Variants in HHLA2 observed in about 807,000 individuals in gnomAD.
The protein encoded by HHLA2 is HHLA2 member of B7 family.
Under a neutral mutation model 45.9 loss-of-function variants are expected in HHLA2, and 48 were observed. That is an observed-to-expected ratio of 1.05 (90% CI 0.83 to 1.33). The LOEUF (loss-of-function observed/expected upper bound fraction) is 1.33. HHLA2 is among the 40% of genes most tolerant of loss of function. HHLA2 has a pLI of 0.00. For missense variants in HHLA2, 462 were observed against 494.3 expected (o/e 0.93, Z 0.62); for synonymous variants, 161 against 173.9 (o/e 0.93, Z 0.59).
At chr3:108,353,635 G>A in exon 5 of HHLA2, 6 of 1,613,722 alleles carry the variant, frequency 3.7e-6, no homozygotes, top group Non-Finnish European at 5.1e-6. Flanking sequence ...ATGCAAACAG[G>A]ACATCCCTTT....
chr3:108,363,657 C>T (rs897188619), intron 8 of HHLA2, among the ~76,000 whole-genome samples: 4 of 152,074 alleles, frequency 2.6e-5, no homozygotes, highest in Admixed American at 2.0e-4. Context: ...AGCCTGTCCA[C>T]GAAGATCAAC....
chr3:108,356,708 G>A (rs1040979990), intron 6 of HHLA2, among the ~76,000 whole-genome samples: 2 of 152,140 alleles, frequency 1.3e-5, no homozygotes, highest in Admixed American at 1.3e-4. Flanking sequence ...GCTATTACGT[G>A]CCAAGTTTTG....
intron 2 of HHLA2, among the ~76,000 whole-genome samples, chr3:108,316,405 T>C (rs978327993): frequency 6.6e-6 from 1 of 152,218 alleles, no homozygotes; most frequent in Non-Finnish European, 1.5e-5. Context: ...TAACTAATTA[T>C]GCTTAGCTTT....
intron 2 of HHLA2, among the ~76,000 whole-genome samples, chr3:108,316,013 T>TTTTA: frequency 6.6e-6 from 1 of 152,052 alleles, no homozygotes; most frequent in South Asian, 2.1e-4. Context: ...ATTATAAGGC[T>TTTTA]TTTATTTATT....
At chr3:108,362,522 A>AGT in intron 8 of HHLA2, 76 bp downstream of exon 7, 5 of 936,636 alleles carry the variant, frequency 5.3e-6, no homozygotes, top group Non-Finnish European at 8.3e-6. Context: ...ATACATGCCC[A>AGT]AACAGCTACT....
At chr3:108,353,613 A>G in exon 5 of HHLA2, 1 of 1,613,802 alleles carries the variant, frequency 6.2e-7, no homozygotes, top group Non-Finnish European at 8.5e-7. Flanking sequence ...TTGGAAAGCC[A>G]AGATCCCAGA....
At chr3:108,331,129 T>A (rs1202022766) in intron 3 of HHLA2, among the ~76,000 whole-genome samples, 26 of 152,170 alleles carry the variant, frequency 1.7e-4, no homozygotes. Flanking sequence ...GTGCTCTCCA[T>A]TGCCGTCTAG....
intron 8 of HHLA2, among the ~76,000 whole-genome samples, chr3:108,373,369 TATC>T (rs1272221238): frequency 2.6e-5 from 4 of 152,136 alleles, no homozygotes; most frequent in African/African-American, 9.7e-5. Flanking sequence ...CCACAGCCAA[TATC>T]ATACTGAACG....
At chr3:108,316,782 A>T (rs2081110439) in intron 2 of HHLA2, among the ~76,000 whole-genome samples, 1 of 151,392 alleles carries the variant, frequency 6.6e-6, no homozygotes, top group Non-Finnish European at 1.5e-5. Context: ...TTTAGGCCCT[A>T]TTTTTTTTTC....
chr3:108,315,830 C>T (rs2081094277), intron 2 of HHLA2, among the ~76,000 whole-genome samples: 1 of 152,138 alleles, frequency 6.6e-6, no homozygotes, highest in South Asian at 2.1e-4. Flanking sequence ...ATCTACCTGG[C>T]CCTTAAAGCT....
chr3:108,362,989 A>G (rs1236646042), intron 8 of HHLA2, among the ~76,000 whole-genome samples: 2 of 152,144 alleles, frequency 1.3e-5, no homozygotes, highest in Non-Finnish European at 1.5e-5. Flanking sequence ...AGTTTAGTCA[A>G]GGTTGGTGCT....
intron 2 of HHLA2, among the ~76,000 whole-genome samples, chr3:108,316,057 C>A (rs1263452410): frequency 7.1e-6 from 1 of 141,230 alleles, no homozygotes; most frequent in African/African-American, 2.6e-5. Flanking sequence ...AAATTTGAAA[C>A]AGCTTAGAAC....
At chr3:108,325,464 C>T (rs952772783) in intron 2 of HHLA2, 22 of 385,300 alleles carry the variant, frequency 5.7e-5, no homozygotes, top group Non-Finnish European at 9.8e-5. Context: ...TGTCACTTCT[C>T]TGGCTCTCCT....
intron 3 of HHLA2, among the ~76,000 whole-genome samples, chr3:108,345,079 A>G (rs761839864): frequency 6.6e-6 from 1 of 152,196 alleles, no homozygotes; most frequent in Non-Finnish European, 1.5e-5. Flanking sequence ...AATTGAGGGC[A>G]AGTAAAGAGA....
Position 108,355,383 on chromosome 3 carries a change from T to A in HHLA2, c.685+2T>A. The stretch of plus-strand genomic sequence containing the variant: ...GGACAGGGCGCTGGACGATGAAAGG[T>A]AGGCTCCACAGGACTTTCTGTGTAC... On this transcript the variant is annotated splice_donor_variant, in intron 6 of 10. Coordinates refer to ENST00000619531, the Ensembl canonical transcript of HHLA2. LOFTEE classifies it high-confidence loss of function. 6.2e-7 allele frequency: 1 copy of A among 1,611,842 alleles called. No homozygotes were observed.
At chr3:108,338,480 T>C (rs1221646809) in intron 3 of HHLA2, among the ~76,000 whole-genome samples, 3 of 152,132 alleles carry the variant, frequency 2.0e-5, no homozygotes, top group African/African-American at 7.2e-5. Flanking sequence ...TCATGTGTGC[T>C]CCTATGCACT....
intron 2 of HHLA2, among the ~76,000 whole-genome samples, chr3:108,324,250 C>T (rs983977306): frequency 1.2e-4 from 18 of 152,112 alleles, no homozygotes; most frequent in African/African-American, 9.7e-5. Flanking sequence ...TTATTACATA[C>T]GTTTTGAGAA....
At chr3:108,350,755 C>G (rs9820777) in intron 3 of HHLA2, among the ~76,000 whole-genome samples, 131,602 of 152,176 alleles carry the variant, frequency 0.86, 58,408 homozygotes, top group Non-Finnish European at 0.93. Flanking sequence ...TACAATCTCG[C>G]CTCACTGCAA....
At chr3:108,307,191 A>G (rs1017842010) in intron 1 of HHLA2, among the ~76,000 whole-genome samples, 14 of 152,122 alleles carry the variant, frequency 9.2e-5, no homozygotes, top group African/African-American at 3.4e-4. Flanking sequence ...ATTCCTTTTT[A>G]ATACAAATGT....
Sources: allele counts gnomAD v4.1 joint callset (sites outside exome capture counted in the v4.1 genomes callset), GRCh38; gene constraint gnomAD v4.1.1; transcripts MANE v1.5; gene names NCBI Gene and HGNC (gene_info 2026-07-23, HGNC 2026-07-21).